SEC24B: variants seen among roughly 807,000 people sequenced by gnomAD.
SEC24B encodes the protein protein transport protein Sec24B.
Under a neutral mutation model 142.8 loss-of-function variants are expected in SEC24B, and 45 were observed. That is an observed-to-expected ratio of 0.32 (90% confidence interval 0.25 to 0.40). The LOEUF is 0.40. Among genes scored for constraint, SEC24B ranks in the 10% least tolerant of loss-of-function variants. The pLI is 1.00. For missense variants in SEC24B, 1,409 were observed against 1,526.8 expected (o/e 0.92, Z 1.29); for synonymous variants, 574 against 568.2 (o/e 1.01, Z -0.15).
chr4:109,514,465 G>A (rs1402273062), intron 10 of SEC24B, among the ~76,000 whole-genome samples: 3 of 152,222 alleles, frequency 2.0e-5, no homozygotes, highest in African/African-American at 7.2e-5. Flanking sequence ...TGCGGAGGCT[G>A]AGGTGGGTGG....
chr4:109,462,845 TA>T, intron 1 of SEC24B, 55 bp from the exon 2 acceptor site: 1 of 1,316,656 alleles, frequency 7.6e-7, no homozygotes, highest in Non-Finnish European at 1.0e-6. Flanking sequence ...AAATGGGGGC[TA>T]TTTTTAAAAA....
intron 1 of SEC24B, among the ~76,000 whole-genome samples, chr4:109,440,978 A>G (rs973797451): frequency 3.3e-5 from 5 of 152,280 alleles, no homozygotes; most frequent in Middle Eastern, 3.4e-3. Flanking sequence ...CCGCAAATGC[A>G]TTCTTGGAAG....
chr4:109,510,262 G>A (rs1450862502), intron 8 of SEC24B, 151 bp downstream of exon 8: 2 of 446,892 alleles, frequency 4.5e-6, no homozygotes, highest in African/African-American at 4.1e-5. Context: ...AACATTTTTT[G>A]AACACCTGCT....
chr4:109,446,359 C>T (rs1368168301), intron 1 of SEC24B, among the ~76,000 whole-genome samples: 2 of 152,180 alleles, frequency 1.3e-5, no homozygotes, highest in Non-Finnish European at 2.9e-5. Flanking sequence ...CCAGTGGCCA[C>T]TAGAAGCTGG....
At chr4:109,455,674 C>G (rs1730595079) in intron 1 of SEC24B, among the ~76,000 whole-genome samples, 1 of 152,152 alleles carries the variant, frequency 6.6e-6, no homozygotes, top group African/African-American at 2.4e-5. Flanking sequence ...AATTGCATTG[C>G]CTTGGCACCT....
chr4:109,467,305 G>A lies in SEC24B; in HGVS notation c.877+3661G>A, dbSNP rs942428680. On this transcript the variant is annotated intron_variant, in intron 2 of 23. Coordinates refer to ENST00000265175, the MANE Select transcript of SEC24B (RefSeq NM_006323.5). ...CGCGCCACTGCACTCCAGCCTGGGC[G>A]ACAGAGCGAGACTCCGTCTCAAAAA... Among the ~76,000 whole-genome samples, 37 of 136,110 alleles carry A rather than the reference G, an allele frequency of 2.7e-4. No homozygotes were observed. In the Admixed American group the frequency reaches 2.9e-3, roughly 11 times the overall value. 89.3% of individuals were successfully genotyped at this position (136,110 alleles called of 152,430 possible). A position where few individuals can be genotyped will look rare whatever the true frequency, so the allele number is the denominator to read the frequency against.
chr4:109,492,962 C>T (rs1193474310), intron 5 of SEC24B, among the ~76,000 whole-genome samples: 2 of 151,824 alleles, frequency 1.3e-5, no homozygotes. Context: ...ACAAACAGTC[C>T]TTCCACCTTG....
chr4:109,456,907 A>G (rs1267037155), intron 1 of SEC24B, among the ~76,000 whole-genome samples: 1 of 152,240 alleles, frequency 6.6e-6, no homozygotes, highest in Non-Finnish European at 1.5e-5. Context: ...CACAGAGACC[A>G]TCATTTTTAA....
chr4:109,510,805 T>G (rs1191047972), intron 8 of SEC24B, among the ~76,000 whole-genome samples: 1 of 152,132 alleles, frequency 6.6e-6, no homozygotes, highest in Non-Finnish European at 1.5e-5. Flanking sequence ...GTCTCAAACT[T>G]TTTTTTACTA....
At chr4:109,503,924 A>G (rs1736429987) in intron 6 of SEC24B, among the ~76,000 whole-genome samples, 1 of 151,852 alleles carries the variant, frequency 6.6e-6, no homozygotes, top group African/African-American at 2.4e-5. Context: ...TAAATATCCT[A>G]CCTTTATTTT....
chr4:109,500,763 C>T (rs553398545), intron 6 of SEC24B, among the ~76,000 whole-genome samples: 17 of 152,192 alleles, frequency 1.1e-4, no homozygotes, highest in Non-Finnish European at 2.4e-4. Flanking sequence ...AAGCAATTCT[C>T]TTGCCTCAGC....
At chr4:109,435,271 CAGT>C (rs1458264242) in intron 1 of SEC24B, among the ~76,000 whole-genome samples, 1 of 152,222 alleles carries the variant, frequency 6.6e-6, no homozygotes, top group Non-Finnish European at 1.5e-5. Flanking sequence ...GCTGTACTCT[CAGT>C]AGTCATTGTT....
intron 5 of SEC24B, among the ~76,000 whole-genome samples, chr4:109,493,482 A>G (rs960057923): frequency 1.3e-5 from 2 of 152,136 alleles, no homozygotes; most frequent in Admixed American, 6.5e-5. Flanking sequence ...CTGTTTTTGT[A>G]TATGATATTT....
intron 22 of SEC24B, among the ~76,000 whole-genome samples, chr4:109,538,072 C>T (rs1411010488): frequency 6.6e-6 from 1 of 152,054 alleles, no homozygotes; most frequent in Non-Finnish European, 1.5e-5. Context: ...TTAAAGAAAA[C>T]ATGAAATTCT....
At chr4:109,466,481 GCTC>G (rs1362091794) in intron 2 of SEC24B, among the ~76,000 whole-genome samples, 3 of 152,210 alleles carry the variant, frequency 2.0e-5, no homozygotes, top group Non-Finnish European at 2.9e-5. Context: ...CGCCATCTCA[GCTC>G]ACTGCAAGCT....
chr4:109,451,280 C>T (rs1730055712), intron 1 of SEC24B, among the ~76,000 whole-genome samples: 1 of 151,912 alleles, frequency 6.6e-6, no homozygotes, highest in Non-Finnish European at 1.5e-5. Flanking sequence ...TGCAGTGGTA[C>T]AGTCATGGCT....
intron 4 of SEC24B, among the ~76,000 whole-genome samples, chr4:109,485,711 A>G (rs1734284325): frequency 6.6e-6 from 1 of 152,206 alleles, no homozygotes; most frequent in Non-Finnish European, 1.5e-5. Flanking sequence ...ACAATAATTT[A>G]TTTCATATGT....
intron 14 of SEC24B, among the ~76,000 whole-genome samples, chr4:109,523,830 A>C (rs951916697): frequency 6.6e-6 from 1 of 152,160 alleles, no homozygotes; most frequent in Non-Finnish European, 1.5e-5. Context: ...TTTTTAATCA[A>C]CTTCTCTTCT....
intron 8 of SEC24B, 143 bp from the exon 9 acceptor site, chr4:109,511,814 C>T: frequency 2.7e-6 from 2 of 751,418 alleles, no homozygotes; most frequent in East Asian, 2.8e-5. Flanking sequence ...TCAACATGTC[C>T]CTGGATTTTA....
Sources: gnomAD v4.1 joint callset for allele counts (sites outside exome capture counted in the v4.1 genomes callset) on GRCh38, gnomAD v4.1.1 for gene constraint, MANE v1.5 for transcripts, NCBI Gene and HGNC (gene_info 2026-07-23, HGNC 2026-07-21) for gene names.